SCN3A: variants seen among roughly 807,000 people sequenced by gnomAD.
SCN3A encodes the protein sodium voltage-gated channel alpha subunit 3.
A neutral mutation model predicts 187.6 loss-of-function variants in SCN3A; 60 were observed. That is an observed-to-expected ratio of 0.32 (90% CI 0.26 to 0.40). The LOEUF (loss-of-function observed/expected upper bound fraction) is 0.40. SCN3A is among the 10% of genes least tolerant of loss of function. The probability of loss-of-function intolerance (pLI) is 1.00; values close to 1 mark genes in which losing one functional copy is unlikely to be tolerated. For synonymous variants in SCN3A, 788 were observed against 829.2 expected (o/e 0.95, Z 0.85); for missense variants, 1,601 against 2,428.2 (o/e 0.66, Z 7.16).
At position 165,160,061 on chromosome 2, in the gene SCN3A, G is replaced by A. The variant is rs865784348; in HGVS notation, c.1031+2247C>T. 1.5e-5 allele frequency among the ~76,000 whole-genome samples: 2 copies of A among 135,054 alleles called. 1 individual carries two copies. The highest frequency in any genetic ancestry group is 6.1e-5 in the African/African-American group (2 of 32,744). The allele number at this position is 135,054 out of a possible 152,430, so 88.6% of individuals were successfully genotyped here. ...GGAGAATAGCTTGAACCCGGGAGGC[G>A]GAACTTGCAGTGAGCCGAGATCGCG... On this transcript the variant is annotated intron_variant, in intron 9 of 27. Coordinates refer to ENST00000283254, the MANE Select transcript of SCN3A (RefSeq NM_006922.4).
At chr2:165,198,668 A>T (rs1468857136) in intron 1 of SCN3A, among the ~76,000 whole-genome samples, 1 of 152,040 alleles carries the variant, frequency 6.6e-6, no homozygotes, top group Non-Finnish European at 1.5e-5. Context: ...CTAGTTCCTC[A>T]GGCCCAACAT....
At chr2:165,168,543 A>C (rs910905299) in intron 5 of SCN3A, among the ~76,000 whole-genome samples, 193 bp downstream of exon 5, 2 of 152,040 alleles carry the variant, frequency 1.3e-5, no homozygotes, top group Non-Finnish European at 1.5e-5. Flanking sequence ...AGATATTGTC[A>C]TGATTTTGTT....
intron 21 of SCN3A, among the ~76,000 whole-genome samples, chr2:165,102,223 A>G (rs1376346597): frequency 6.6e-6 from 1 of 152,250 alleles, no homozygotes; most frequent in Non-Finnish European, 1.5e-5. Flanking sequence ...TTGAAAAGAA[A>G]AGTAAAACTG....
chr2:165,091,446 T>C, intron 27 of SCN3A, 101 bp from the exon 28 acceptor site: 1 of 1,347,602 alleles, frequency 7.4e-7, no homozygotes, highest in Non-Finnish European at 1.0e-6. Flanking sequence ...TTGTTATGAA[T>C]ATGAGCCTTT....
chr2:165,175,738 C>G (rs576069334), intron 3 of SCN3A, among the ~76,000 whole-genome samples: 49 of 152,046 alleles, frequency 3.2e-4, no homozygotes, highest in Non-Finnish European at 6.2e-4. Context: ...TACATCAAGT[C>G]AGTCATGAAC....
intron 18 of SCN3A, among the ~76,000 whole-genome samples, chr2:165,120,971 TG>T (rs1686644673): frequency 6.6e-6 from 1 of 151,804 alleles, no homozygotes; most frequent in African/African-American, 2.4e-5. Flanking sequence ...ACGTTGTAGT[TG>T]AAGAGTAGGG....
chr2:165,144,551 C>T (rs562980924), intron 12 of SCN3A, among the ~76,000 whole-genome samples: 1 of 152,120 alleles, frequency 6.6e-6, no homozygotes, highest in Non-Finnish European at 1.5e-5. Context: ...CCTCTTTCAT[C>T]AGTTTAGAAT....
chr2:165,193,796 A>C (rs1298614642), intron 1 of SCN3A, among the ~76,000 whole-genome samples: 2 of 152,128 alleles, frequency 1.3e-5, no homozygotes, highest in Non-Finnish European at 2.9e-5. Context: ...CTCCTTTGAG[A>C]TTTAAAATAC....
intron 1 of SCN3A, among the ~76,000 whole-genome samples, chr2:165,199,443 T>C (rs960321419): frequency 2.0e-5 from 3 of 152,020 alleles, no homozygotes; most frequent in African/African-American, 7.2e-5. Context: ...ATGTGCTGTA[T>C]TTTAATATTG....
At chr2:165,142,711 T>C (rs915658053) in intron 12 of SCN3A, among the ~76,000 whole-genome samples, 1 of 146,432 alleles carries the variant, frequency 6.8e-6, no homozygotes, top group Non-Finnish European at 1.5e-5. Flanking sequence ...ATAACAGTTA[T>C]ATCCAGAACT....
chr2:165,123,350 C>T (rs1404041768), intron 18 of SCN3A, among the ~76,000 whole-genome samples: 5 of 152,042 alleles, frequency 3.3e-5, no homozygotes, highest in Admixed American at 1.3e-4. Flanking sequence ...CCATGTTTAT[C>T]TCTAAAAACT....
At chr2:165,162,224 C>T in intron 9 of SCN3A, 84 bp downstream of exon 9, 1 of 1,221,608 alleles carries the variant, frequency 8.2e-7, no homozygotes, top group Non-Finnish European at 1.2e-6. Context: ...TAAGGCTACA[C>T]ATATAACCAT....
At chr2:165,174,033 A>C (rs372206276) in intron 3 of SCN3A, among the ~76,000 whole-genome samples, 21 of 152,298 alleles carry the variant, frequency 1.4e-4, no homozygotes, top group African/African-American at 4.6e-4. Flanking sequence ...CTGATATATA[A>C]AATAAGAATG....
intron 18 of SCN3A, among the ~76,000 whole-genome samples, chr2:165,124,472 GCTA>G (rs1686872451): frequency 6.6e-6 from 1 of 151,926 alleles, no homozygotes; most frequent in South Asian, 2.1e-4. Flanking sequence ...AAGTTTTTAT[GCTA>G]CTTTGTCTCT....
intron 11 of SCN3A, among the ~76,000 whole-genome samples, chr2:165,153,023 G>A (rs917374528): frequency 2.8e-5 from 4 of 141,994 alleles, no homozygotes; most frequent in Non-Finnish European, 4.6e-5. Context: ...AGAACAAAAA[G>A]TTGGGGACCT....
intron 12 of SCN3A, among the ~76,000 whole-genome samples, chr2:165,142,530 G>A (rs7609109): frequency 0.29 from 43,413 of 152,006 alleles, 6,976 homozygotes; most frequent in East Asian, 0.5. Context: ...CTGTGTCTAT[G>A]TGACACTCAA....
chr2:165,094,141 C>T (rs1379384026), intron 26 of SCN3A: 1 of 531,264 alleles, frequency 1.9e-6, no homozygotes, highest in South Asian at 2.2e-5. Flanking sequence ...TTATTAGGAA[C>T]CCTGAGCTAG....
At chr2:165,108,460 T>C (rs1304517749) in intron 21 of SCN3A, among the ~76,000 whole-genome samples, 1 of 152,156 alleles carries the variant, frequency 6.6e-6, no homozygotes, top group African/African-American at 2.4e-5. Flanking sequence ...ATATCAAGCA[T>C]CTCCTTTTAA....
chr2:165,146,821 T>G lies in SCN3A; in HGVS notation c.1589A>C (p.Asp530Ala). Residue 530 changes from aspartate (D) to alanine (A), a missense_variant, in exon 12 of 28, where the codon GAC becomes GCC. Physicochemically the swap from Asp to Ala is moderately radical, Grantham distance 126. This residue lies in a region of SCN3A where 376 missense variants were observed against 476.0 expected (regional missense o/e 0.79). Coordinates refer to ENST00000283254, the MANE Select transcript of SCN3A (RefSeq NM_006922.4). ...AAGGAAGCTGCTTCTTTTGACGCTG[T>G]CTTCAGATTCGGATTTGGGAAAGCT... Reference protein sequence around the residue: ...RDSFPKSESEDSVKRSSFLFS... With the variant: ...RDSFPKSESEASVKRSSFLFS... The G allele has an allele frequency of 6.2e-7, 1 of 1,614,114 alleles. No homozygotes were observed. The highest frequency in any genetic ancestry group is 8.5e-7 in the Non-Finnish European group (1 of 1,179,974).
Sources: allele counts gnomAD v4.1 joint callset (sites outside exome capture counted in the v4.1 genomes callset), GRCh38; gene constraint gnomAD v4.1.1; regional missense constraint gnomAD v4.1.1; transcripts MANE v1.5; gene names NCBI Gene and HGNC (gene_info 2026-07-23, HGNC 2026-07-21).